Variants in ENPP1 observed in about 807,000 individuals in gnomAD.
ENPP1 encodes the protein ectonucleotide pyrophosphatase/phosphodiesterase family member 1.
A neutral mutation model predicts 122.8 loss-of-function variants in ENPP1; 73 were observed. That is an observed-to-expected ratio of 0.59 (90% CI 0.49 to 0.72). The LOEUF is 0.72. ENPP1 is among the 30% of genes least tolerant of loss of function. The pLI is 0.00. For synonymous variants in ENPP1, 367 were observed against 391.6 expected (o/e 0.94, Z 0.74); for missense variants, 978 against 1,128.1 (o/e 0.87, Z 1.91).
intron 2 of ENPP1, 122 bp from the exon 3 acceptor site, chr6:131,849,868 C>A: frequency 2.6e-6 from 2 of 761,808 alleles, no homozygotes; most frequent in East Asian, 2.5e-5. Flanking sequence ...TTTATTACCC[C>A]ATCTGTATTT....
rs1470316747 is a variant in ENPP1, at chr6:131,894,083, A to C, written c.*3572A>C. On this transcript the variant is annotated 3_prime_UTR_variant, in exon 25 of 25. Transcript: ENST00000647893. ...ATTCTCCTGGCTCAGCCTCCCGAGT[A>C]ACTGGGACTACAGGCACCTGCCGTC... 2 of 148,332 alleles carry C rather than the reference A, an allele frequency of 1.3e-5. No individual in the cohort carries two copies. Among genetic ancestry groups the C allele is most frequent in the East Asian group, 4.0e-4 (2 of 4,944 alleles). 9.2% of individuals were successfully genotyped at this position (148,332 alleles called of 1,614,324 possible).
chr6:131,833,305 T>C (rs560059777), intron 1 of ENPP1, among the ~76,000 whole-genome samples: 3 of 152,354 alleles, frequency 2.0e-5, no homozygotes, highest in African/African-American at 7.2e-5. Flanking sequence ...TTTTTTTTAA[T>C]GAAAATGAAT....
At chr6:131,863,189 C>A (rs1782045062) in intron 9 of ENPP1, among the ~76,000 whole-genome samples, 1 of 152,174 alleles carries the variant, frequency 6.6e-6, no homozygotes, top group Non-Finnish European at 1.5e-5. Context: ...TGCTATTTAG[C>A]ATCTATTGCG....
At chr6:131,870,489 G>A (rs1782147492) in intron 13 of ENPP1, among the ~76,000 whole-genome samples, 1 of 152,000 alleles carries the variant, frequency 6.6e-6, no homozygotes, top group Non-Finnish European at 1.5e-5. Flanking sequence ...AGCAAATTTT[G>A]TTTGTCTTTT....
In ENPP1 at chr6:131,827,555, C is replaced by T. The variant is rs1192989831; in HGVS notation, c.240+19280C>T. The T allele has an allele frequency of 5.0e-6, 3 of 602,518 alleles. No individual in the cohort carries two copies. The East Asian group carries it at 8.9e-5, about 18-fold the overall frequency. The allele number at this position is 602,518 out of a possible 1,614,324, so 37.3% of individuals were successfully genotyped here. The stretch of plus-strand genomic sequence containing the variant: ...TGTAAAAGCCTACATGTCAACTGAA[C>T]AGTCAATTTAAAGAGTGATGTAGGT... On this transcript the variant is annotated intron_variant, in intron 1 of 24. Transcript: ENST00000647893.
chr6:131,821,334 T>A (rs1355367202), intron 1 of ENPP1, among the ~76,000 whole-genome samples: 3 of 152,216 alleles, frequency 2.0e-5, no homozygotes, highest in African/African-American at 7.2e-5. Context: ...ACTGACTTCA[T>A]ACATGATGTT....
chr6:131,858,161 T>G (rs1406452344), intron 6 of ENPP1, among the ~76,000 whole-genome samples: 2 of 152,182 alleles, frequency 1.3e-5, no homozygotes, highest in Non-Finnish European at 2.9e-5. Flanking sequence ...TCAGGAATAG[T>G]CGGACTTCTG....
intron 16 of ENPP1, 120 bp downstream of exon 16, chr6:131,874,457 T>C: frequency 1.5e-6 from 1 of 662,880 alleles, no homozygotes; most frequent in Non-Finnish European, 2.7e-6. Context: ...GAACATACTT[T>C]CATAAAGCTA....
Position 131,872,108 on chromosome 6 carries a change from ATCTT to A in ENPP1, c.1437+9_1437+12del, listed in dbSNP as rs376640801. The A allele has an allele frequency of 1.2e-3, 1,958 of 1,572,634 alleles. 19 individuals carry two copies. In the African/African-American group the frequency reaches 0.022, roughly 18 times the overall value. ...CATTGCCCGAAATCTTTCTGTGAGT[ATCTT>A]TATTTTCCATTATCTAGTTATTTTT... On this transcript the variant is annotated splice_region_variant and intron_variant, in intron 14 of 24. Coordinates refer to ENST00000647893, the MANE Select transcript of ENPP1 (RefSeq NM_006208.3).
At chr6:131,841,915 G>A (rs985478188) in intron 1 of ENPP1, among the ~76,000 whole-genome samples, 1 of 151,996 alleles carries the variant, frequency 6.6e-6, no homozygotes, top group Non-Finnish European at 1.5e-5. Flanking sequence ...GATCGTTCTG[G>A]GATTATTAAA....
intron 11 of ENPP1, 25 bp from the exon 12 acceptor site, chr6:131,867,993 T>G: frequency 1.6e-4 from 227 of 1,432,792 alleles, no homozygotes; most frequent in Non-Finnish European, 2.1e-4. Flanking sequence ...AGGTATCACA[T>G]GAGGTTGTTG....
chr6:131,876,304 T>A (rs372732403), intron 17 of ENPP1, among the ~76,000 whole-genome samples: 2 of 151,956 alleles, frequency 1.3e-5, no homozygotes, highest in African/African-American at 4.9e-5. Flanking sequence ...ATTAGGGAGA[T>A]TCTTGGTTTA....
chr6:131,853,842 A>G (rs1781910164), intron 5 of ENPP1, among the ~76,000 whole-genome samples: 3 of 152,162 alleles, frequency 2.0e-5, no homozygotes, highest in Admixed American at 2.0e-4. Context: ...TTTCTGAGCC[A>G]TGGCCGTTTT....
intron 1 of ENPP1, among the ~76,000 whole-genome samples, chr6:131,822,114 T>C (rs1781491345): frequency 6.6e-6 from 1 of 152,172 alleles, no homozygotes; most frequent in Non-Finnish European, 1.5e-5. Context: ...AGGAAACAAC[T>C]CTACTTGGAC....
chr6:131,868,110 C>G lies in ENPP1; in HGVS notation c.1257C>G (p.Ile419Met). Reference sequence around the variant, plus strand: ...ACTTGCACAGATGCCTGAACCTCATCCTTATTTCAGATCATGGTAATCTGA... The same window carrying G: ...ACTTGCACAGATGCCTGAACCTCATGCTTATTTCAGATCATGGTAATCTGA... ...ELNLHRCLNL[I>M]LISDHGMEQG... Residue 419 changes from isoleucine (I) to methionine (M), a missense_variant, in exon 12 of 25, where the codon ATC (isoleucine) becomes ATG (methionine). Ile to Met is a conservative substitution (Grantham distance 10, BLOSUM62 1). Around this residue, in one of 3 missense-constraint regions of ENPP1, gnomAD observed 644 missense variants for 781.5 expected, o/e 0.82. Transcript: ENST00000647893. 1 of 1,610,678 alleles carries G rather than the reference C, an allele frequency of 6.2e-7. No homozygotes were observed. Among genetic ancestry groups the G allele is most frequent in the Non-Finnish European group, 8.5e-7 (1 of 1,177,096 alleles).
At chr6:131,813,262 G>C (rs1038356898) in intron 1 of ENPP1, among the ~76,000 whole-genome samples, 1 of 152,056 alleles carries the variant, frequency 6.6e-6, no homozygotes, top group African/African-American at 2.4e-5. Context: ...CCAGCACTTT[G>C]GGAGGCTGAG....
At chr6:131,880,111 A>C in intron 20 of ENPP1, 77 bp downstream of exon 20, 147 of 1,406,532 alleles carry the variant, frequency 1.0e-4, no homozygotes, top group Middle Eastern at 1.8e-4. Flanking sequence ...ATAGTTTCTC[A>C]CTGTTCACCT....
chr6:131,877,843 A>C (rs1782250621), intron 18 of ENPP1: 1 of 90,794 alleles, frequency 1.1e-5, no homozygotes, highest in African/African-American at 4.4e-5. Flanking sequence ...TTTCTCAAAA[A>C]AAAAAAAAAA....
At chr6:131,862,542 T>C (rs1189995367) in intron 9 of ENPP1, among the ~76,000 whole-genome samples, 3 of 152,166 alleles carry the variant, frequency 2.0e-5, no homozygotes, top group Non-Finnish European at 4.4e-5. Flanking sequence ...AAGGATAATT[T>C]GGCAGACAGG....
Sources: gnomAD v4.1 joint callset for allele counts (sites outside exome capture counted in the v4.1 genomes callset) on GRCh38, gnomAD v4.1.1 for gene constraint, gnomAD v4.1.1 regional missense constraint, MANE v1.5 for transcripts, NCBI Gene and HGNC (gene_info 2026-07-23, HGNC 2026-07-21) for gene names.